Variants in AGBL1 observed in about 807,000 individuals in gnomAD.
The protein encoded by AGBL1 is cytosolic carboxypeptidase 4.
AGBL1 carries 130 observed loss-of-function variants against 118.9 expected under a neutral mutation model. That is an observed-to-expected ratio of 1.09 (90% CI 0.95 to 1.26). The LOEUF (loss-of-function observed/expected upper bound fraction) is 1.26, where lower values mean the gene tolerates loss of function less well. Ranked by LOEUF, AGBL1 falls within the 50% of genes most tolerant of loss-of-function variation. The pLI is 0.00. For missense variants in AGBL1, 1,584 were observed against 1,298.1 expected (o/e 1.22, Z -3.38); for synonymous variants, 555 against 478.9 (o/e 1.16, Z -2.08).
chr15:87,024,651 C>T (rs2081706948), intron 24 of AGBL1, among the ~76,000 whole-genome samples: 1 of 151,936 alleles, frequency 6.6e-6, no homozygotes, highest in African/African-American at 2.4e-5. Context: ...AAGCCAGTAT[C>T]ACCCTAATAC....
chr15:86,735,668 ATTT>A (rs1555444835), intron 22 of AGBL1, among the ~76,000 whole-genome samples: 2 of 150,432 alleles, frequency 1.3e-5, no homozygotes, highest in African/African-American at 4.9e-5. Flanking sequence ...ATATATATAT[ATTT>A]TATTTGTCTG....
chr15:86,364,554 C>T (rs2141928261), intron 17 of AGBL1, among the ~76,000 whole-genome samples: 1 of 152,236 alleles, frequency 6.6e-6, no homozygotes, highest in South Asian at 2.1e-4. Flanking sequence ...GAATGTTTTT[C>T]TACACATGTT....
chr15:86,690,684 GGT>G (rs2086148861), intron 22 of AGBL1, among the ~76,000 whole-genome samples: 1 of 152,116 alleles, frequency 6.6e-6, no homozygotes, highest in Admixed American at 6.6e-5. Context: ...GGTGTTGGAA[GGT>G]GATGCTGAAG....
chr15:86,785,713 A>G (rs2078403118), intron 22 of AGBL1, among the ~76,000 whole-genome samples: 1 of 152,168 alleles, frequency 6.6e-6, no homozygotes, highest in Non-Finnish European at 1.5e-5. Context: ...ATGATGAGCA[A>G]TCCAGTTTGG....
intron 18 of AGBL1, among the ~76,000 whole-genome samples, chr15:86,417,119 C>A (rs2081706649): frequency 6.6e-6 from 1 of 152,300 alleles, no homozygotes; most frequent in Middle Eastern, 3.4e-3. Flanking sequence ...GGCCAAATAG[C>A]CTGTGCTCTA....
At chr15:86,724,512 A>C (rs541630151) in intron 22 of AGBL1, among the ~76,000 whole-genome samples, 11 of 152,280 alleles carry the variant, frequency 7.2e-5, no homozygotes, top group African/African-American at 2.6e-4. Context: ...CTTTTGGCCC[A>C]AAAATCACAG....
At chr15:86,771,189 A>C (rs529172546) in intron 22 of AGBL1, among the ~76,000 whole-genome samples, 1 of 152,070 alleles carries the variant, frequency 6.6e-6, no homozygotes, top group Non-Finnish European at 1.5e-5. Context: ...ACATTAAGCT[A>C]CTGAGATTTC....
chr15:86,526,542 G>GTATA (rs1261876704), intron 19 of AGBL1, among the ~76,000 whole-genome samples: 472 of 41,412 alleles, frequency 0.011, 5 homozygotes, highest in African/African-American at 0.029. Flanking sequence ...GTTTGTGTCT[G>GTATA]TGTATATATA....
At chr15:86,467,413 T>G (rs1363712559) in intron 18 of AGBL1, among the ~76,000 whole-genome samples, 1 of 152,236 alleles carries the variant, frequency 6.6e-6, no homozygotes, top group African/African-American at 2.4e-5. Context: ...TGGGCTCTGT[T>G]GGGGTGAGTT....
At chr15:86,744,359 C>A (rs1474405838) in intron 22 of AGBL1, among the ~76,000 whole-genome samples, 1 of 152,122 alleles carries the variant, frequency 6.6e-6, no homozygotes, top group East Asian at 1.9e-4. Context: ...CGGCCTACCC[C>A]ATTCTCACAG....
chr15:86,761,753 T>A (rs76426006), intron 22 of AGBL1, among the ~76,000 whole-genome samples: 79 of 152,236 alleles, frequency 5.2e-4, no homozygotes, highest in African/African-American at 1.8e-3. Flanking sequence ...ATGGATAGAT[T>A]GCAATATTTC....
intron 22 of AGBL1, among the ~76,000 whole-genome samples, chr15:86,715,026 A>G (rs2086616819): frequency 1.3e-5 from 2 of 152,020 alleles, no homozygotes; most frequent in Non-Finnish European, 2.9e-5. Flanking sequence ...TCCTCATCCC[A>G]CCATGCCTCT....
intron 22 of AGBL1, among the ~76,000 whole-genome samples, chr15:86,865,198 C>A (rs183688367): frequency 3.5e-4 from 53 of 152,292 alleles, no homozygotes; most frequent in African/African-American, 1.2e-3. Flanking sequence ...GAAATGCTTG[C>A]AGATACAATA....
At chr15:86,555,558 T>C (rs1434565735) in intron 21 of AGBL1, among the ~76,000 whole-genome samples, 1 of 152,188 alleles carries the variant, frequency 6.6e-6, no homozygotes, top group African/African-American at 2.4e-5. Flanking sequence ...GTCTAAAGAC[T>C]TGTTTCAAAT....
chr15:86,272,488 TA>T (rs1290685234), intron 15 of AGBL1, among the ~76,000 whole-genome samples: 2 of 152,202 alleles, frequency 1.3e-5, no homozygotes, highest in African/African-American at 2.4e-5. Context: ...TTAAATAAAG[TA>T]AGTTTCATCT....
At chr15:87,018,909 C>T (rs1466920082) in intron 24 of AGBL1, among the ~76,000 whole-genome samples, 1 of 151,818 alleles carries the variant, frequency 6.6e-6, no homozygotes, top group Non-Finnish European at 1.5e-5. Context: ...CACATAGTCT[C>T]AAAATAAAGG....
intron 16 of AGBL1, among the ~76,000 whole-genome samples, chr15:86,280,721 A>G (rs566387538): frequency 1.3e-5 from 2 of 152,344 alleles, no homozygotes; most frequent in African/African-American, 4.8e-5. Context: ...ATAACCAAGA[A>G]CATCTTTTCC....
chr15:86,398,206 C>T (rs1258041289), intron 18 of AGBL1, among the ~76,000 whole-genome samples: 2 of 152,140 alleles, frequency 1.3e-5, no homozygotes, highest in Non-Finnish European at 2.9e-5. Flanking sequence ...GGAAAGATGG[C>T]TCCTGTGCCT....
At chr15:86,919,615 C>T (rs1005849718), downstream of AGBL1, among the ~76,000 whole-genome samples, 15 of 151,156 alleles carry the variant, frequency 9.9e-5, no homozygotes, top group African/African-American at 3.2e-4. Flanking sequence ...CACACACACC[C>T]GACTACCTAA....
Sources: gnomAD v4.1 joint callset for allele counts (sites outside exome capture counted in the v4.1 genomes callset) on GRCh38, gnomAD v4.1.1 for gene constraint, MANE v1.5 for transcripts, NCBI Gene and HGNC (gene_info 2026-07-23, HGNC 2026-07-21) for gene names.